ASAP2: variants seen among roughly 807,000 people sequenced by gnomAD.
The protein encoded by ASAP2 is arf-GAP with SH3 domain, ANK repeat and PH domain-containing protein 2.
In ASAP2, 45 loss-of-function variants were observed where a neutral mutation model predicts 131.4. The observed-to-expected ratio is 0.34, with a 90% confidence interval of 0.27 to 0.44. The LOEUF (loss-of-function observed/expected upper bound fraction) is 0.44, where lower values mean the gene tolerates loss of function less well. Ranked by LOEUF, ASAP2 falls within the 20% of genes least tolerant of loss-of-function variation. ASAP2 has a pLI of 1.00. For synonymous variants in ASAP2, 510 were observed against 503.0 expected, an observed-to-expected ratio of 1.01 and a Z score of -0.19; for missense variants, 1,011 against 1,297.0, an observed-to-expected ratio of 0.78 and a Z score of 3.39.
intron 11 of ASAP2, among the ~76,000 whole-genome samples, chr2:9,345,672 G>T (rs10196837): frequency 0.9 from 136,881 of 152,060 alleles, 63,045 homozygotes; most frequent in Non-Finnish European, 1. Context: ...GTGCATGCAA[G>T]CCAGCAGCCT....
intron 3 of ASAP2, among the ~76,000 whole-genome samples, chr2:9,302,973 G>T (rs1378451707): frequency 6.6e-6 from 1 of 152,152 alleles, no homozygotes; most frequent in Non-Finnish European, 1.5e-5. Flanking sequence ...AGTGCTGTCA[G>T]GCTTAGGTTA....
At chr2:9,313,579 C>T (rs919549211) in intron 3 of ASAP2, among the ~76,000 whole-genome samples, 5 of 152,220 alleles carry the variant, frequency 3.3e-5, no homozygotes, top group Admixed American at 3.3e-4. Flanking sequence ...TGCCGGACAG[C>T]GACTCTAATC....
chr2:9,370,608 C>T (rs1021008574), intron 16 of ASAP2, among the ~76,000 whole-genome samples: 1 of 152,150 alleles, frequency 6.6e-6, no homozygotes, highest in Admixed American at 6.5e-5. Context: ...AGGGAGATAA[C>T]GTTCCCCCTC....
rs201728061 is a variant in ASAP2 at position 9,318,641 on chromosome 2, A to G, written c.420+43A>G. The G allele has an allele frequency of 8.5e-5, 120 of 1,420,004 alleles. 1 individual carries two copies. The East Asian group carries it at 1.8e-3, about 21-fold the overall frequency. The allele number at this position is 1,420,004 out of a possible 1,614,324, so 88.0% of individuals were successfully genotyped here. On this transcript the variant is annotated intron_variant, in intron 4 of 27. Transcript: ENST00000281419. ...TGACACCAGGGGCAGCTTTTACACC[A>G]TGTAGAGTCACAGTAGCTTGGCCTG...
At chr2:9,336,339 A>C (rs1671201695) in intron 9 of ASAP2, among the ~76,000 whole-genome samples, 1 of 150,340 alleles carries the variant, frequency 6.7e-6, no homozygotes, top group African/African-American at 2.5e-5. Flanking sequence ...ACATCTCTCT[A>C]GTCCCTCTGA....
At chr2:9,246,042 G>A (rs746594301) in intron 1 of ASAP2, among the ~76,000 whole-genome samples, 23 of 152,200 alleles carry the variant, frequency 1.5e-4, no homozygotes, top group Non-Finnish European at 2.8e-4. Flanking sequence ...GTGTGACCCC[G>A]TTGGGGGAAG....
At chr2:9,334,963 G>A (rs1354001074) in intron 8 of ASAP2, 130 bp from the exon 9 acceptor site, 12 of 1,348,366 alleles carry the variant, frequency 8.9e-6, no homozygotes, top group Non-Finnish European at 1.1e-5. Context: ...GTCTTGGTGG[G>A]AGGGAAGGTT....
At chr2:9,403,216 GAATTTT>G in intron 27 of ASAP2, 31 bp from the exon 28 acceptor site, 1 of 1,597,916 alleles carries the variant, frequency 6.3e-7, no homozygotes. Flanking sequence ...CCAACATTTG[GAATTTT>G]AATAACAACC....
chr2:9,267,694 C>T (rs578058499), intron 1 of ASAP2, among the ~76,000 whole-genome samples: 12 of 151,922 alleles, frequency 7.9e-5, no homozygotes, highest in African/African-American at 2.9e-4. Flanking sequence ...GCCGGGAGTT[C>T]GAGACCAACC....
intron 3 of ASAP2, among the ~76,000 whole-genome samples, chr2:9,307,725 C>T (rs1669038118): frequency 6.6e-6 from 1 of 152,212 alleles, no homozygotes; most frequent in Non-Finnish European, 1.5e-5. Flanking sequence ...ACCAGGTCAG[C>T]GATTTTCCTC....
At chr2:9,331,076 A>C (rs1670807538) in intron 7 of ASAP2, among the ~76,000 whole-genome samples, 1 of 152,068 alleles carries the variant, frequency 6.6e-6, no homozygotes, top group East Asian at 1.9e-4. Flanking sequence ...TCATTCCCCC[A>C]CCACACACGC....
Position 9,388,366 on chromosome 2 carries a change from G to T in ASAP2, c.2203G>T (p.Ala735Ser), listed in dbSNP as rs201291876. 1 of 1,614,118 alleles carries T rather than the reference G, an allele frequency of 6.2e-7. No individual in the cohort carries two copies. The highest frequency in any genetic ancestry group is 8.5e-7 in the Non-Finnish European group (1 of 1,180,036). ...GGGCTCCAACCAGCTTCAGTCTAAC[G>T]CTGTATCTTTGGCCAGAGATGCTGC... ...QLGSNQLQSNAVSLARDAANL... is the reference protein window; with the variant it reads ...QLGSNQLQSNSVSLARDAANL... Residue 735 changes from alanine to serine, a missense_variant, in exon 22 of 28, where the codon GCT becomes TCT. Ala to Ser is a moderately conservative substitution (Grantham distance 99). This residue lies in a region of ASAP2 where 652 missense variants were observed against 698.9 expected (regional missense o/e 0.93). Coordinates refer to ENST00000281419, the MANE Select transcript of ASAP2 (RefSeq NM_003887.3).
rs541200881 is a variant in ASAP2 at position 9,377,695 on chromosome 2, C to G, written c.1832+702C>G. 9.2e-5 allele frequency among the ~76,000 whole-genome samples: 14 copies of G among 152,248 alleles called. No homozygotes were observed. The South Asian group carries it at 2.9e-3, about 32-fold the overall frequency. On this transcript the variant is annotated intron_variant, in intron 18 of 27. Transcript: ENST00000281419. ...GCTGTTAAAAGCCACAGAAATTGCT[C>G]CAAAGGAAATGGAAAATTCCAAAAT...
chr2:9,384,505 G>A (rs1675108483), intron 20 of ASAP2, among the ~76,000 whole-genome samples: 1 of 152,246 alleles, frequency 6.6e-6, no homozygotes. Flanking sequence ...CCAGACACCA[G>A]TCACAAATCA....
chr2:9,284,817 C>A (rs748978610), intron 2 of ASAP2, among the ~76,000 whole-genome samples: 8 of 152,132 alleles, frequency 5.3e-5, no homozygotes, highest in Non-Finnish European at 1.0e-4. Flanking sequence ...GGTGAACTTA[C>A]AATTTTAGAT....
intron 1 of ASAP2, among the ~76,000 whole-genome samples, chr2:9,248,444 C>T (rs978768123): frequency 8.6e-5 from 13 of 151,546 alleles, no homozygotes; most frequent in East Asian, 7.7e-4. Flanking sequence ...AAAATGCCAG[C>T]GTAGAGAGGA....
At chr2:9,211,617 A>G (rs1182796021) in intron 1 of ASAP2, among the ~76,000 whole-genome samples, 1 of 152,016 alleles carries the variant, frequency 6.6e-6, no homozygotes, top group Non-Finnish European at 1.5e-5. Context: ...ATAATTCTCT[A>G]CTTTGTTGTC....
At chr2:9,349,914 C>G (rs13002296) in intron 11 of ASAP2, among the ~76,000 whole-genome samples, 83,309 of 151,968 alleles carry the variant, frequency 0.55, 26,939 homozygotes, top group East Asian at 0.84. Context: ...TGACCGGTGG[C>G]CAAGGGAAGT....
At chr2:9,358,402 A>T (rs1480908390) in intron 14 of ASAP2, among the ~76,000 whole-genome samples, 1 of 152,140 alleles carries the variant, frequency 6.6e-6, no homozygotes. Flanking sequence ...CTCTTGCTCC[A>T]TTCTGCTAGT....
Sources: gnomAD v4.1 joint callset for allele counts (sites outside exome capture counted in the v4.1 genomes callset) on GRCh38, gnomAD v4.1.1 for gene constraint, gnomAD v4.1.1 regional missense constraint, MANE v1.5 for transcripts, NCBI Gene and HGNC (gene_info 2026-07-23, HGNC 2026-07-21) for gene names.